The following LPP variants were observed in gnomAD, a reference collection of about 807,000 sequenced individuals.
LPP encodes the protein LIM domain containing preferred translocation partner in lipoma.
A neutral mutation model predicts 60.4 loss-of-function variants in LPP; 38 were observed. The ratio of observed to expected loss-of-function variants is 0.63; its 90% confidence interval spans 0.49 to 0.83. The LOEUF (loss-of-function observed/expected upper bound fraction) is 0.83, where lower values mean the gene tolerates loss of function less well. Ranked by LOEUF, LPP falls within the 40% of genes least tolerant of loss-of-function variation. The probability of loss-of-function intolerance (pLI) is 0.00; values close to 1 mark genes in which losing one functional copy is unlikely to be tolerated. For missense variants in LPP, 902 were observed against 783.6 expected, an observed-to-expected ratio of 1.15 and a Z score of -1.80; for synonymous variants, 328 against 290.8, an observed-to-expected ratio of 1.13 and a Z score of -1.30.
intron 7 of LPP, among the ~76,000 whole-genome samples, chr3:188,670,024 G>A (rs1431571726): frequency 6.6e-6 from 1 of 152,108 alleles, no homozygotes; most frequent in Non-Finnish European, 1.5e-5. Flanking sequence ...AACACCACAT[G>A]TTCTCACTCA....
chr3:188,747,595 T>A (rs140922964), intron 8 of LPP, among the ~76,000 whole-genome samples: 1 of 152,328 alleles, frequency 6.6e-6, no homozygotes, highest in African/African-American at 2.4e-5. Flanking sequence ...TGATAGCAGA[T>A]GACTGTGCAA....
At chr3:188,654,225 A>C (rs1198632458) in intron 7 of LPP, among the ~76,000 whole-genome samples, 1 of 152,188 alleles carries the variant, frequency 6.6e-6, no homozygotes, top group Non-Finnish European at 1.5e-5. Context: ...CATGAAGAGA[A>C]ACGATGTTCT....
At chr3:188,690,241 C>T (rs1239762042) in intron 7 of LPP, among the ~76,000 whole-genome samples, 1 of 152,168 alleles carries the variant, frequency 6.6e-6, no homozygotes, top group Admixed American at 6.5e-5. Flanking sequence ...AAATCCTAGT[C>T]CTCTGGCTCC....
chr3:188,197,380 T>G (rs1041720619), intron 1 of LPP, among the ~76,000 whole-genome samples: 1 of 152,146 alleles, frequency 6.6e-6, no homozygotes, highest in African/African-American at 2.4e-5. Context: ...GTGTCTATCA[T>G]TTTCTCCTGA....
At chr3:188,263,214 C>G (rs1734294081) in intron 2 of LPP, among the ~76,000 whole-genome samples, 1 of 152,096 alleles carries the variant, frequency 6.6e-6, no homozygotes, top group African/African-American at 2.4e-5. Flanking sequence ...ACTGGATATC[C>G]TGTTGGACTA....
At chr3:188,792,747 G>T (rs549441262) in intron 9 of LPP, among the ~76,000 whole-genome samples, 3 of 152,042 alleles carry the variant, frequency 2.0e-5, no homozygotes, top group African/African-American at 4.8e-5. Context: ...GAAATCAGAA[G>T]TAAAGAAAGT....
At chr3:188,421,465 G>A (rs765100359) in intron 4 of LPP, among the ~76,000 whole-genome samples, 4 of 152,180 alleles carry the variant, frequency 2.6e-5, no homozygotes, top group Non-Finnish European at 5.9e-5. Flanking sequence ...CTGCCACTGT[G>A]TTTAATCAAG....
At chr3:188,849,670 T>C (rs894741603) in intron 9 of LPP, among the ~76,000 whole-genome samples, 24 of 140,520 alleles carry the variant, frequency 1.7e-4, no homozygotes, top group Non-Finnish European at 3.5e-4. Flanking sequence ...TGGGTCCATA[T>C]GAATAAAAAA....
chr3:188,606,450 T>G (rs577099434), intron 6 of LPP, among the ~76,000 whole-genome samples: 1 of 152,142 alleles, frequency 6.6e-6, no homozygotes, highest in Non-Finnish European at 1.5e-5. Context: ...TGGTATCTTT[T>G]TGTTTGGTTG....
intron 6 of LPP, among the ~76,000 whole-genome samples, chr3:188,604,003 G>A (rs935674196): frequency 4.6e-5 from 7 of 152,224 alleles, no homozygotes; most frequent in African/African-American, 1.4e-4. Flanking sequence ...AAATGATTTT[G>A]AATTTCGTGC....
chr3:188,377,618 T>C (rs1775542341), intron 3 of LPP, among the ~76,000 whole-genome samples: 1 of 152,200 alleles, frequency 6.6e-6, no homozygotes, highest in African/African-American at 2.4e-5. Context: ...TAATTTTTTT[T>C]CAAAGCTTTT....
At chr3:188,713,506 T>C (rs540596208) in intron 8 of LPP, among the ~76,000 whole-genome samples, 220 of 152,350 alleles carry the variant, frequency 1.4e-3, no homozygotes, top group African/African-American at 4.9e-3. Context: ...GTTGTGATTA[T>C]GTAGGAAAAT....
chr3:188,532,894 G>A (rs182850199), intron 6 of LPP, among the ~76,000 whole-genome samples: 1 of 152,292 alleles, frequency 6.6e-6, no homozygotes, highest in East Asian at 1.9e-4. Context: ...GGTCCTTTCT[G>A]AATGCTGTTC....
intron 3 of LPP, among the ~76,000 whole-genome samples, chr3:188,342,066 C>A: frequency 6.6e-6 from 1 of 152,122 alleles, no homozygotes; most frequent in East Asian, 1.9e-4. Flanking sequence ...TAGTATGTGG[C>A]AGGAGGGCTT....
At chr3:188,408,760 T>C (rs555435425) in intron 4 of LPP, among the ~76,000 whole-genome samples, 1 of 152,262 alleles carries the variant, frequency 6.6e-6, no homozygotes, top group East Asian at 1.9e-4. Flanking sequence ...AAATGTTTTT[T>C]TTTTTTTCTT....
At chr3:188,259,472 G>T (rs1308007811) in intron 2 of LPP, among the ~76,000 whole-genome samples, 1 of 152,218 alleles carries the variant, frequency 6.6e-6, no homozygotes, top group Non-Finnish European at 1.5e-5. Context: ...CCAGCAGCTA[G>T]AAATAATCTT....
chr3:188,505,557 C>T (rs951344687), intron 5 of LPP, among the ~76,000 whole-genome samples: 5 of 152,306 alleles, frequency 3.3e-5, no homozygotes, highest in African/African-American at 9.6e-5. Flanking sequence ...ATAGATAACA[C>T]CTGCCTTTTC....
chr3:188,353,171 A>T (rs1766448498), intron 3 of LPP, among the ~76,000 whole-genome samples: 1 of 152,122 alleles, frequency 6.6e-6, no homozygotes, highest in Admixed American at 6.5e-5. Flanking sequence ...CCGCCACAAG[A>T]TTACAGGGTC....
intron 2 of LPP, 49 bp from the exon 3 acceptor site, chr3:188,341,614 G>C (rs1382072837): frequency 1.5e-6 from 1 of 677,868 alleles, no homozygotes. Flanking sequence ...AATAAATATG[G>C]GTTTGGTGTC....
Sources: allele counts gnomAD v4.1 joint callset (sites outside exome capture counted in the v4.1 genomes callset), GRCh38; gene constraint gnomAD v4.1.1; transcripts MANE v1.5; gene names NCBI Gene and HGNC (gene_info 2026-07-23, HGNC 2026-07-21).